The following RAB11FIP3 variants were observed in gnomAD, a reference collection of about 807,000 sequenced individuals.
RAB11FIP3 encodes rab11 family-interacting protein 3.
Under a neutral mutation model 77.8 loss-of-function variants are expected in RAB11FIP3, and 17 were observed. The observed-to-expected ratio is 0.22, with a 90% confidence interval of 0.15 to 0.33. RAB11FIP3 has a LOEUF of 0.33. Ranked by LOEUF, RAB11FIP3 falls within the 10% of genes least tolerant of loss-of-function variation. The pLI is 1.00. For missense variants in RAB11FIP3, 1,005 were observed against 1,011.2 expected (o/e 0.99, Z 0.08); for synonymous variants, 437 against 448.2 (o/e 0.98, Z 0.31).
At chr16:427,334 A>G (rs748523736) in intron 1 of RAB11FIP3, among the ~76,000 whole-genome samples, 4 of 152,362 alleles carry the variant, frequency 2.6e-5, no homozygotes, top group South Asian at 2.1e-4. Flanking sequence ...GAGGAAGGCA[A>G]TGAGCCTCGG....
intron 3 of RAB11FIP3, among the ~76,000 whole-genome samples, chr16:475,456 GT>G (rs748886264): frequency 2.6e-5 from 4 of 152,228 alleles, no homozygotes; most frequent in Non-Finnish European, 4.4e-5. Flanking sequence ...GGTGTGAGCT[GT>G]TACTGCATTT....
intron 9 of RAB11FIP3, among the ~76,000 whole-genome samples, chr16:513,287 C>G (rs1418164297): frequency 6.6e-6 from 1 of 151,358 alleles, no homozygotes; most frequent in Non-Finnish European, 1.5e-5. Flanking sequence ...GTGGCCCTGT[C>G]ATGGCTCACT....
chr16:473,512 C>T (rs1339196582), intron 3 of RAB11FIP3, among the ~76,000 whole-genome samples: 2 of 152,162 alleles, frequency 1.3e-5, no homozygotes, highest in Non-Finnish European at 2.9e-5. Flanking sequence ...CTTGGCTCAC[C>T]ACAACCTTCG....
chr16:487,979 T>C (rs2385129), intron 4 of RAB11FIP3, among the ~76,000 whole-genome samples: 93,154 of 152,070 alleles, frequency 0.61, 28,830 homozygotes, highest in African/African-American at 0.69. Context: ...TGTGCTGTCC[T>C]GTGTGGGGCT....
At chr16:458,457 G>A (rs1485383828) in intron 1 of RAB11FIP3, among the ~76,000 whole-genome samples, 2 of 147,730 alleles carry the variant, frequency 1.4e-5, no homozygotes, top group East Asian at 4.2e-4. Context: ...CGGGTTCACC[G>A]ATGCCCACAG....
chr16:430,527 G>T (rs920843516), intron 1 of RAB11FIP3, among the ~76,000 whole-genome samples: 1 of 152,062 alleles, frequency 6.6e-6, no homozygotes, highest in Non-Finnish European at 1.5e-5. Context: ...GTGGCAGTAG[G>T]AAGTTCCTAG....
chr16:426,086 C>CG lies in RAB11FIP3; in HGVS notation c.85dup (p.Ala29GlyfsTer29). The CG allele has an allele frequency of 1.0e-6, 1 of 1,003,310 alleles. No homozygotes were observed. The highest frequency in any genetic ancestry group is 1.2e-6 in the Non-Finnish European group (1 of 843,376). 62.2% of individuals were successfully genotyped at this position (1,003,310 alleles called of 1,614,324 possible). On this transcript the variant is annotated frameshift_variant, in exon 1 of 14. Coordinates refer to ENST00000262305, the MANE Select transcript of RAB11FIP3 (RefSeq NM_014700.4). LOFTEE classifies it high-confidence loss of function. This position sits in a 1 kb window ranked among gnomAD's most constrained non-coding sequence, Gnocchi z 5.0. ...CCGGAGCCGGGCGGGCCGGACGGGC[C>CG]GGGGGCGGCACAACTGGCTCCGGGC...
chr16:443,060 A>G (rs1283248076), intron 1 of RAB11FIP3, among the ~76,000 whole-genome samples: 1 of 152,196 alleles, frequency 6.6e-6, no homozygotes, highest in African/African-American at 2.4e-5. Flanking sequence ...AGAAGAAGCC[A>G]TGAAGACATT....
At chr16:483,258 C>T (rs1333673747) in intron 4 of RAB11FIP3, among the ~76,000 whole-genome samples, 1 of 152,210 alleles carries the variant, frequency 6.6e-6, no homozygotes, top group Non-Finnish European at 1.5e-5. Context: ...AAAGTCCGCT[C>T]AGCACGCTGA....
rs1365351114 is a variant in RAB11FIP3, at chr16:445,050, C to A, written c.715-16354C>A. Among the ~76,000 whole-genome samples, 4 of 137,038 alleles carry A rather than the reference C, an allele frequency of 2.9e-5. No individual in the cohort carries two copies. The Middle Eastern group carries it at 0.017, about 576-fold the overall frequency. The allele number at this position is 137,038 out of a possible 152,430, so 89.9% of individuals were successfully genotyped here. A position where few individuals can be genotyped will look rare whatever the true frequency, so the allele number is the denominator to read the frequency against. ...AATGGCGTGAACCCGGGAGGCAGAG[C>A]TTGCAGTGAGCCGAGATCTCACCAC... On this transcript the variant is annotated intron_variant, in intron 1 of 13. Transcript: ENST00000262305.
At chr16:468,856 T>C (rs1237289891) in intron 2 of RAB11FIP3, among the ~76,000 whole-genome samples, 1 of 152,192 alleles carries the variant, frequency 6.6e-6, no homozygotes, top group African/African-American at 2.4e-5. Flanking sequence ...CTACCAAGAA[T>C]ATAAAAATGC....
intron 3 of RAB11FIP3, chr16:477,761 G>T: frequency 4.0e-6 from 3 of 752,428 alleles, no homozygotes; most frequent in Non-Finnish European, 4.9e-6. Flanking sequence ...TACTTCCTTA[G>T]ATTGTAGGGG....
At position 426,953 on chromosome 16, in the gene RAB11FIP3, C is replaced by T. The variant is rs1380929084; in HGVS notation, c.714+233C>T. On this transcript the variant is annotated intron_variant, in intron 1 of 13. Coordinates refer to ENST00000262305, the MANE Select transcript of RAB11FIP3 (RefSeq NM_014700.4). The surrounding 1 kb of genome is among the most constrained non-coding windows in gnomAD (Gnocchi z 5.0). The stretch of plus-strand genomic sequence containing the variant: ...TTCTATTCTGGGGAGTCAGTTTCTT[C>T]CCCTCCCCCCAGCGCCTCGTCAGCT... Among the ~76,000 whole-genome samples the T allele has an allele frequency of 2.0e-5, 3 of 152,144 alleles. No homozygotes were observed. The highest frequency in any genetic ancestry group is 4.4e-5 in the Non-Finnish European group (3 of 68,008).
intron 9 of RAB11FIP3, among the ~76,000 whole-genome samples, chr16:518,119 A>G (rs1174780944): frequency 6.6e-6 from 1 of 152,228 alleles, no homozygotes; most frequent in Admixed American, 6.5e-5. Flanking sequence ...TTGCTTTGTC[A>G]CTAGGCTGGA....
intron 5 of RAB11FIP3, among the ~76,000 whole-genome samples, chr16:495,505 C>T (rs187227466): frequency 6.6e-6 from 1 of 152,308 alleles, no homozygotes; most frequent in African/African-American, 2.4e-5. Context: ...CAGGATGCTC[C>T]CTGGAGTAGG....
intron 9 of RAB11FIP3, among the ~76,000 whole-genome samples, chr16:515,775 C>T (rs750722892): frequency 9.2e-5 from 14 of 152,288 alleles, no homozygotes; most frequent in South Asian, 4.1e-4. Flanking sequence ...ACGGCCGACA[C>T]GGACCGGGGT....
chr16:431,728 A>G (rs1287138239), intron 1 of RAB11FIP3, among the ~76,000 whole-genome samples: 1 of 151,522 alleles, frequency 6.6e-6, no homozygotes, highest in Admixed American at 6.6e-5. Flanking sequence ...ATAAAAGTAC[A>G]CAATTGAGAT....
chr16:429,742 C>T (rs892652942), intron 1 of RAB11FIP3, among the ~76,000 whole-genome samples: 5 of 152,140 alleles, frequency 3.3e-5, no homozygotes, highest in African/African-American at 4.8e-5. Context: ...AGGTGATCCA[C>T]CCGCCTCGGC....
chr16:505,475 C>A lies in RAB11FIP3; in HGVS notation c.1396-49C>A. The A allele has an allele frequency of 2.0e-6, 3 of 1,487,456 alleles. No homozygotes were observed. The highest frequency in any genetic ancestry group is 2.8e-6 in the Non-Finnish European group (3 of 1,090,426). The allele number at this position is 1,487,456 out of a possible 1,614,324, so 92.1% of individuals were successfully genotyped here. A position where few individuals can be genotyped will look rare whatever the true frequency, so the allele number is the denominator to read the frequency against. ...CAGGTTGTTCCCTTGGGGGTGCAGG[C>A]CCTTCTGCTTCTGGCTGCCTGACCC... On this transcript the variant is annotated intron_variant, in intron 7 of 13. Transcript: ENST00000262305. This position sits in a 1 kb window ranked among gnomAD's most constrained non-coding sequence, Gnocchi z 4.0.
Sources: allele counts gnomAD v4.1 joint callset (sites outside exome capture counted in the v4.1 genomes callset), GRCh38; gene constraint gnomAD v4.1.1; non-coding constraint Gnocchi (gnomAD v3.1); transcripts MANE v1.5; gene names NCBI Gene and HGNC (gene_info 2026-07-23, HGNC 2026-07-21).